The following AUTS2 variants were observed in gnomAD, a reference collection of about 807,000 sequenced individuals.
AUTS2 encodes the protein activator of transcription and developmental regulator AUTS2, also known as autism susceptibility gene 2 protein.
AUTS2 carries 17 observed loss-of-function variants against 112.4 expected under a neutral mutation model. The ratio of observed to expected loss-of-function variants is 0.15; its 90% confidence interval spans 0.10 to 0.23. The LOEUF (loss-of-function observed/expected upper bound fraction) is 0.23, where lower values mean the gene tolerates loss of function less well. Ranked by LOEUF, AUTS2 falls within the 10% of genes least tolerant of loss-of-function variation. The pLI is 1.00. For missense variants in AUTS2, 1,510 were observed against 1,701.6 expected (o/e 0.89, Z 1.98); for synonymous variants, 751 against 702.7 (o/e 1.07, Z -1.09).
intron 2 of AUTS2, among the ~76,000 whole-genome samples, chr7:70,015,230 G>A (rs1240656019): frequency 6.6e-6 from 1 of 152,162 alleles, no homozygotes; most frequent in Admixed American, 6.5e-5. Flanking sequence ...TATATTCTGT[G>A]CTTGGATTAG....
chr7:70,345,722 A>G (rs928306690), intron 4 of AUTS2, among the ~76,000 whole-genome samples: 4 of 152,096 alleles, frequency 2.6e-5, no homozygotes, highest in African/African-American at 9.7e-5. Flanking sequence ...GACTTGTATT[A>G]CTCGCCAAGA....
At chr7:69,667,860 T>C (rs980322689) in intron 1 of AUTS2, among the ~76,000 whole-genome samples, 3 of 152,208 alleles carry the variant, frequency 2.0e-5, no homozygotes, top group African/African-American at 7.2e-5. Flanking sequence ...CTCTACAGCC[T>C]CACTTCCACC....
At chr7:70,749,412 G>A (rs1208956799) in intron 6 of AUTS2, among the ~76,000 whole-genome samples, 1 of 152,174 alleles carries the variant, frequency 6.6e-6, no homozygotes, top group Non-Finnish European at 1.5e-5. Flanking sequence ...TGATGCTAGG[G>A]TTGCTGGGCC....
At chr7:70,630,458 G>A (rs946061432) in intron 5 of AUTS2, among the ~76,000 whole-genome samples, 2 of 152,180 alleles carry the variant, frequency 1.3e-5, no homozygotes, top group Non-Finnish European at 2.9e-5. Flanking sequence ...TCCCGTGAAC[G>A]GGGCCTGTCA....
At chr7:70,407,131 C>A (rs1264601989) in intron 4 of AUTS2, among the ~76,000 whole-genome samples, 4 of 152,150 alleles carry the variant, frequency 2.6e-5, no homozygotes, top group African/African-American at 9.7e-5. Context: ...TTGAGGCGGA[C>A]CCAGTTGATA....
At chr7:69,692,924 C>G (rs573786602) in intron 1 of AUTS2, among the ~76,000 whole-genome samples, 1 of 152,156 alleles carries the variant, frequency 6.6e-6, no homozygotes, top group African/African-American at 2.4e-5. Flanking sequence ...ATGCACTGAC[C>G]GAGAGACTTC....
intron 4 of AUTS2, among the ~76,000 whole-genome samples, chr7:70,422,865 A>G (rs896177559): frequency 3.9e-5 from 6 of 152,024 alleles, no homozygotes; most frequent in African/African-American, 1.4e-4. Context: ...GCCGCCAACC[A>G]CTGTCTCTCT....
At chr7:69,658,602 G>A (rs1352364557) in intron 1 of AUTS2, among the ~76,000 whole-genome samples, 1 of 152,108 alleles carries the variant, frequency 6.6e-6, no homozygotes, top group Non-Finnish European at 1.5e-5. Context: ...AACTGACTAA[G>A]ACACACAGTA....
At chr7:70,295,774 G>A (rs1002719832) in intron 4 of AUTS2, among the ~76,000 whole-genome samples, 3 of 152,096 alleles carry the variant, frequency 2.0e-5, no homozygotes, top group East Asian at 1.9e-4. Flanking sequence ...GAAGTATGAC[G>A]TTAAGCTTAA....
chr7:70,135,308 G>T (rs111750964), intron 4 of AUTS2, among the ~76,000 whole-genome samples: 1 of 152,114 alleles, frequency 6.6e-6, no homozygotes, highest in African/African-American at 2.4e-5. Flanking sequence ...ATGAAAAAGA[G>T]TGACAAATAA....
At chr7:70,583,462 A>T (rs893643703) in intron 5 of AUTS2, among the ~76,000 whole-genome samples, 1 of 152,168 alleles carries the variant, frequency 6.6e-6, no homozygotes, top group Non-Finnish European at 1.5e-5. Flanking sequence ...AGGCAGAGGG[A>T]GAGGGGGCCT....
At chr7:70,017,661 G>A (rs1273029362) in intron 2 of AUTS2, among the ~76,000 whole-genome samples, 1 of 152,060 alleles carries the variant, frequency 6.6e-6, no homozygotes, top group Non-Finnish European at 1.5e-5. Flanking sequence ...AAGATGTTCT[G>A]CTCAGACACA....
At chr7:69,814,609 T>C (rs1176915283) in intron 1 of AUTS2, among the ~76,000 whole-genome samples, 2 of 152,364 alleles carry the variant, frequency 1.3e-5, no homozygotes, top group East Asian at 3.9e-4. Context: ...TGAATAGGAC[T>C]CCAAAGAATA....
intron 4 of AUTS2, among the ~76,000 whole-genome samples, chr7:70,346,396 C>G (rs113909993): frequency 6.6e-6 from 1 of 152,166 alleles, no homozygotes; most frequent in Admixed American, 6.5e-5. Flanking sequence ...GATCTGAGGC[C>G]AGTCTGATCT....
intron 4 of AUTS2, among the ~76,000 whole-genome samples, chr7:70,221,536 A>G (rs1384413599): frequency 6.6e-6 from 1 of 152,058 alleles, no homozygotes; most frequent in Non-Finnish European, 1.5e-5. Context: ...AGGAACCACT[A>G]CTCTAATTTT....
chr7:69,771,378 A>G (rs1011385883), intron 1 of AUTS2, among the ~76,000 whole-genome samples: 1 of 152,236 alleles, frequency 6.6e-6, no homozygotes, highest in Admixed American at 6.5e-5. Flanking sequence ...AAAAACATGT[A>G]TTGCATGCAG....
intron 6 of AUTS2, chr7:70,729,115 AAACG>A: frequency 2.2e-6 from 1 of 455,974 alleles, no homozygotes; most frequent in South Asian, 1.6e-5. Flanking sequence ...AATGGGGCGA[AAACG>A]ACGGCCACAC....
intron 5 of AUTS2, among the ~76,000 whole-genome samples, chr7:70,556,022 G>A (rs1801234441): frequency 6.6e-6 from 1 of 152,092 alleles, no homozygotes; most frequent in Admixed American, 6.5e-5. Flanking sequence ...TAGCCAGGAT[G>A]GTCTTGATCT....
At chr7:69,658,817 T>C (rs1459837488) in intron 1 of AUTS2, among the ~76,000 whole-genome samples, 1 of 152,202 alleles carries the variant, frequency 6.6e-6, no homozygotes, top group Non-Finnish European at 1.5e-5. Flanking sequence ...AAATAATAAA[T>C]ATGTGGTTTA....
Sources: allele counts gnomAD v4.1 joint callset (sites outside exome capture counted in the v4.1 genomes callset), GRCh38; gene constraint gnomAD v4.1.1; transcripts MANE v1.5; gene names NCBI Gene and HGNC (gene_info 2026-07-23, HGNC 2026-07-21).